DGKB: variants seen among roughly 807,000 people sequenced by gnomAD.
The protein encoded by DGKB is diacylglycerol kinase beta, also known as 90 kDa diacylglycerol kinase.
Under a neutral mutation model 114.3 loss-of-function variants are expected in DGKB, and 67 were observed. The ratio of observed to expected loss-of-function variants is 0.59; its 90% CI spans 0.48 to 0.72. The LOEUF (loss-of-function observed/expected upper bound fraction) is 0.72, where lower values mean the gene tolerates loss of function less well. Ranked by LOEUF, DGKB falls within the 30% of genes least tolerant of loss-of-function variation. DGKB has a pLI of 0.00. For synonymous variants in DGKB, 398 were observed against 323.1 expected (o/e 1.23, Z -2.49); for missense variants, 907 against 975.2 (o/e 0.93, Z 0.93).
chr7:14,793,399 A>C (rs1292611241), intron 2 of DGKB, among the ~76,000 whole-genome samples: 1 of 151,974 alleles, frequency 6.6e-6, no homozygotes, highest in East Asian at 1.9e-4. Flanking sequence ...CAGTTAGGAC[A>C]CTCTAAATGC....
At chr7:14,897,443 G>A (rs1782282807) in intron 1 of DGKB, among the ~76,000 whole-genome samples, 1 of 151,666 alleles carries the variant, frequency 6.6e-6, no homozygotes, top group Non-Finnish European at 1.5e-5. Flanking sequence ...AAATCAGTGT[G>A]TTTTTTCTAA....
At chr7:14,724,276 A>G (rs1288973939) in intron 5 of DGKB, among the ~76,000 whole-genome samples, 1 of 152,192 alleles carries the variant, frequency 6.6e-6, no homozygotes, top group Non-Finnish European at 1.5e-5. Context: ...AATAGTTGAT[A>G]TTAGTATTGT....
intron 1 of DGKB, among the ~76,000 whole-genome samples, chr7:14,937,146 C>T (rs1056092056): frequency 6.6e-6 from 1 of 151,214 alleles, no homozygotes; most frequent in African/African-American, 2.4e-5. Flanking sequence ...GTCTTCATGG[C>T]TTTTACAATG....
intron 21 of DGKB, among the ~76,000 whole-genome samples, chr7:14,374,364 G>C (rs1260021746): frequency 6.6e-6 from 1 of 151,982 alleles, no homozygotes; most frequent in Non-Finnish European, 1.5e-5. Context: ...CTCCCCATGG[G>C]CGCTCTTCCA....
At position 14,412,694 on chromosome 7, in the gene DGKB, G is replaced by A. The variant is rs116839044; in HGVS notation, c.1835+65467C>T. On this transcript the variant is annotated intron_variant, in intron 21 of 25. Coordinates refer to ENST00000402815, the MANE Select transcript of DGKB (RefSeq NM_001350709.2). Reference sequence around the variant, plus strand: ...AGACTGAGGGAGAGCAAAAGTCAGCGAGGAAGGCCAGGCACGGTGGCTCAC... The same window carrying A: ...AGACTGAGGGAGAGCAAAAGTCAGCAAGGAAGGCCAGGCACGGTGGCTCAC... 3.9e-3 allele frequency among the ~76,000 whole-genome samples: 599 copies of A among 152,186 alleles called. 4 individuals are homozygous for A. Among genetic ancestry groups the A allele is most frequent in the African/African-American group, 0.014 (584 of 41,546 alleles).
intron 13 of DGKB, among the ~76,000 whole-genome samples, chr7:14,632,675 TAGG>T (rs1809959712): frequency 6.6e-6 from 1 of 151,698 alleles, no homozygotes; most frequent in African/African-American, 2.4e-5. Context: ...AGAGAAGTCA[TAGG>T]AGTGGGTGGG....
intron 18 of DGKB, 42 bp downstream of exon 18, chr7:14,583,010 A>G: frequency 8.0e-7 from 1 of 1,255,512 alleles, no homozygotes; most frequent in Non-Finnish European, 1.2e-6. Context: ...ATTTAAAGCT[A>G]TTGCTCTCTC....
intron 23 of DGKB, among the ~76,000 whole-genome samples, chr7:14,277,549 T>G (rs1164106786): frequency 6.6e-6 from 1 of 152,216 alleles, no homozygotes; most frequent in African/African-American, 2.4e-5. Context: ...CTTATTTCAC[T>G]TATCATAATG....
At chr7:14,673,073 G>A (rs969585690) in intron 12 of DGKB, 46 bp from the exon 13 acceptor site, 27 of 1,063,544 alleles carry the variant, frequency 2.5e-5, no homozygotes, top group Non-Finnish European at 3.3e-5. Flanking sequence ...ACATGACAAC[G>A]CCTAACATGG....
intron 1 of DGKB, among the ~76,000 whole-genome samples, chr7:14,966,015 A>G (rs986770163): frequency 5.3e-5 from 8 of 152,104 alleles, no homozygotes; most frequent in African/African-American, 1.7e-4. Context: ...TTTATTGACA[A>G]TAATTTTATA....
rs1339463755 is a variant in DGKB, at chr7:14,680,872, A to AT, written c.1035+1680dup. 2.0e-5 allele frequency among the ~76,000 whole-genome samples: 3 copies of AT among 152,140 alleles called. No homozygotes were observed. The East Asian group carries it at 5.8e-4, about 29-fold the overall frequency. On this transcript the variant is annotated intron_variant, in intron 12 of 25. Transcript: ENST00000402815. ...ACTGAGTACACACTTAAAAACATTG[A>AT]TTTTTTAAGAACTAAAAAAGAAAAT...
At chr7:14,687,932 C>A (rs1341966641) in intron 9 of DGKB, among the ~76,000 whole-genome samples, 1 of 152,164 alleles carries the variant, frequency 6.6e-6, no homozygotes. Flanking sequence ...AAATCCATTA[C>A]CCAGGCATAA....
At chr7:14,185,328 C>A (rs1783244335) in intron 23 of DGKB, among the ~76,000 whole-genome samples, 1 of 151,914 alleles carries the variant, frequency 6.6e-6, no homozygotes, top group Admixed American at 6.6e-5. Context: ...AAGACCTCTA[C>A]AAGGAAAACT....
intron 1 of DGKB, among the ~76,000 whole-genome samples, chr7:14,843,321 T>A (rs1207221353): frequency 5.9e-5 from 6 of 101,390 alleles, no homozygotes; most frequent in South Asian, 3.8e-4. Flanking sequence ...ATAACTTTTT[T>A]TTTTTTTTTT....
intron 1 of DGKB, among the ~76,000 whole-genome samples, chr7:14,863,455 G>A (rs1029891462): frequency 1.3e-5 from 2 of 151,306 alleles, no homozygotes; most frequent in Admixed American, 6.6e-5. Flanking sequence ...TACACTATTT[G>A]GAAAATTTCA....
At chr7:14,612,500 C>T (rs150983304) in intron 16 of DGKB, among the ~76,000 whole-genome samples, 46 of 152,152 alleles carry the variant, frequency 3.0e-4, no homozygotes, top group African/African-American at 1.1e-3. Context: ...GAAAAGCATT[C>T]TTCATTTCAT....
At chr7:14,884,414 A>G (rs1220579598) in intron 1 of DGKB, among the ~76,000 whole-genome samples, 1 of 151,960 alleles carries the variant, frequency 6.6e-6, no homozygotes, top group Non-Finnish European at 1.5e-5. Flanking sequence ...GCCTTTAGTT[A>G]TAAATAAAAT....
chr7:14,935,540 G>A (rs1157986516), intron 1 of DGKB, among the ~76,000 whole-genome samples: 2 of 152,056 alleles, frequency 1.3e-5, no homozygotes, highest in Non-Finnish European at 2.9e-5. Flanking sequence ...ATCATAAATA[G>A]CAGCAGTAAT....
intron 21 of DGKB, among the ~76,000 whole-genome samples, chr7:14,403,216 A>T (rs1001767937): frequency 2.7e-5 from 4 of 146,776 alleles, no homozygotes; most frequent in Admixed American, 6.8e-5. Flanking sequence ...CTTTTAATTT[A>T]AAAAAAAAAG....
Sources: gnomAD v4.1 joint callset for allele counts (sites outside exome capture counted in the v4.1 genomes callset) on GRCh38, gnomAD v4.1.1 for gene constraint, MANE v1.5 for transcripts, NCBI Gene and HGNC (gene_info 2026-07-23, HGNC 2026-07-21) for gene names.